Variants in CNTN4 observed in about 807,000 individuals in gnomAD.
CNTN4 encodes contactin-4.
A neutral mutation model predicts 122.5 loss-of-function variants in CNTN4; 77 were observed. That is an observed-to-expected ratio of 0.63 (90% confidence interval 0.52 to 0.76). CNTN4 has a LOEUF of 0.76. Ranked by LOEUF, CNTN4 falls within the 30% of genes least tolerant of loss-of-function variation. The pLI, the probability that CNTN4 is intolerant of heterozygous loss-of-function variation, is 0.00. For missense variants in CNTN4, 1,256 were observed against 1,259.1 expected (o/e 1.00, Z 0.04); for synonymous variants, 512 against 447.0 (o/e 1.15, Z -1.83).
chr3:2,255,103 C>T (rs573912027), intron 2 of CNTN4, among the ~76,000 whole-genome samples: 37 of 152,188 alleles, frequency 2.4e-4, no homozygotes, highest in South Asian at 4.1e-4. Flanking sequence ...TTTCTGCTTA[C>T]GGCTAGCCAG....
chr3:2,645,530 A>G (rs1359072343), intron 4 of CNTN4, among the ~76,000 whole-genome samples: 1 of 152,214 alleles, frequency 6.6e-6, no homozygotes, highest in Non-Finnish European at 1.5e-5. Flanking sequence ...TATCCAATTA[A>G]TTCTTCCTGT....
At chr3:2,818,590 T>C (rs753930487) in intron 6 of CNTN4, among the ~76,000 whole-genome samples, 11 of 152,200 alleles carry the variant, frequency 7.2e-5, no homozygotes, top group African/African-American at 9.6e-5. Flanking sequence ...ACACTCCTTA[T>C]TGAGAGGATT....
At chr3:2,551,973 C>T (rs1007101744) in intron 3 of CNTN4, among the ~76,000 whole-genome samples, 2 of 152,060 alleles carry the variant, frequency 1.3e-5, no homozygotes, top group African/African-American at 4.8e-5. Context: ...GCTACCTGAC[C>T]GTTACTTAAA....
chr3:2,291,628 AGTCC>A (rs769751296), intron 2 of CNTN4, among the ~76,000 whole-genome samples: 9,671 of 152,164 alleles, frequency 0.064, 336 homozygotes, highest in Non-Finnish European at 0.074. Flanking sequence ...AATTCACTGA[AGTCC>A]TTATGATAAA....
intron 14 of CNTN4, 74 bp from the exon 15 acceptor site, chr3:3,026,028 G>C (rs1237626765): frequency 1.5e-6 from 2 of 1,372,772 alleles, no homozygotes; most frequent in African/African-American, 2.9e-5. Flanking sequence ...CCTGCTCTTG[G>C]AGTCTACATT....
chr3:2,613,043 CA>C (rs1452706162), intron 4 of CNTN4, among the ~76,000 whole-genome samples: 1 of 152,010 alleles, frequency 6.6e-6, no homozygotes, highest in Non-Finnish European at 1.5e-5. Context: ...TATATTGTGC[CA>C]GGGGCTTTGT....
At chr3:2,552,621 T>C (rs1243528037) in intron 3 of CNTN4, among the ~76,000 whole-genome samples, 1 of 152,210 alleles carries the variant, frequency 6.6e-6, no homozygotes, top group Non-Finnish European at 1.5e-5. Context: ...TTCAGAGAAG[T>C]GGTAACTTTG....
chr3:2,118,636 C>T (rs2033530495), intron 2 of CNTN4, among the ~76,000 whole-genome samples: 1 of 152,028 alleles, frequency 6.6e-6, no homozygotes, highest in South Asian at 2.1e-4. Context: ...TATATTTTTC[C>T]TACCGATAGG....
At chr3:2,846,772 C>T (rs1382723645) in intron 7 of CNTN4, among the ~76,000 whole-genome samples, 2 of 152,048 alleles carry the variant, frequency 1.3e-5, no homozygotes, top group East Asian at 1.9e-4. Flanking sequence ...CGAGGCAGGC[C>T]GATCACCTGA....
intron 14 of CNTN4, among the ~76,000 whole-genome samples, chr3:3,017,286 A>G (rs1038009651): frequency 6.6e-6 from 1 of 152,254 alleles, no homozygotes; most frequent in African/African-American, 2.4e-5. Context: ...ATTCACAGAC[A>G]TAATTCCTCA....
intron 7 of CNTN4, among the ~76,000 whole-genome samples, chr3:2,850,555 A>T (rs1457699841): frequency 1.3e-5 from 2 of 152,206 alleles, no homozygotes; most frequent in Non-Finnish European, 2.9e-5. Flanking sequence ...CACCCAGATC[A>T]TGCGAAACCA....
chr3:2,633,218 G>T (rs1267678600), intron 4 of CNTN4, among the ~76,000 whole-genome samples: 1 of 152,042 alleles, frequency 6.6e-6, no homozygotes, highest in Non-Finnish European at 1.5e-5. Context: ...ACAACAGCTG[G>T]GAGCACTGTT....
chr3:2,710,901 G>A (rs142990178), intron 4 of CNTN4, among the ~76,000 whole-genome samples: 14 of 152,190 alleles, frequency 9.2e-5, no homozygotes, highest in Non-Finnish European at 1.6e-4. Context: ...CTTTTTTAAC[G>A]TACAGCATGA....
At chr3:2,170,104 A>T (rs13098685) in intron 2 of CNTN4, among the ~76,000 whole-genome samples, 2 of 150,096 alleles carry the variant, frequency 1.3e-5, no homozygotes, top group Admixed American at 1.3e-4. Flanking sequence ...GGAGGATCAC[A>T]AGGTCAGGAG....
chr3:2,786,970 T>C (rs931506913), intron 6 of CNTN4, among the ~76,000 whole-genome samples: 2 of 152,224 alleles, frequency 1.3e-5, no homozygotes, highest in African/African-American at 4.8e-5. Context: ...AACTATTGTT[T>C]CTTGGCACTC....
At chr3:2,775,844 C>T (rs758974240) in intron 6 of CNTN4, among the ~76,000 whole-genome samples, 5 of 152,136 alleles carry the variant, frequency 3.3e-5, no homozygotes, top group Non-Finnish European at 5.9e-5. Flanking sequence ...ACAATATGAG[C>T]TCCATGAGGG....
At position 2,900,785 on chromosome 3, in the gene CNTN4, C is replaced by G. The variant is rs555733804; in HGVS notation, c.1041C>G (p.Tyr347Ter). The change falls in exon 11 of 25, where the codon TAC (tyrosine) becomes TAG (stop). Residue 347 changes from tyrosine to a stop codon, truncating the protein, a stop_gained. Coordinates refer to ENST00000418658, the MANE Select transcript of CNTN4 (RefSeq NM_175607.3). LOFTEE classifies it high-confidence loss of function. ...CKANGRPKPT[Y>*]KWLKNGEPLL... The stretch of plus-strand genomic sequence containing the variant: ...CAAATGGAAGGCCTAAGCCTACATA[C>G]AAGTGGCTAAAAAATGGCGAACCTC... 1 of 1,613,954 alleles carries G rather than the reference C, an allele frequency of 6.2e-7. No homozygotes were observed. Among genetic ancestry groups the G allele is most frequent in the South Asian group, 1.1e-5 (1 of 91,084 alleles).
intron 3 of CNTN4, among the ~76,000 whole-genome samples, chr3:2,399,850 TTCA>T (rs1176553618): frequency 6.6e-6 from 1 of 152,068 alleles, no homozygotes; most frequent in Non-Finnish European, 1.5e-5. Flanking sequence ...ATCAAATGGT[TTCA>T]TCATTACCAG....
At chr3:2,274,613 T>C (rs1180527725) in intron 2 of CNTN4, among the ~76,000 whole-genome samples, 1 of 152,070 alleles carries the variant, frequency 6.6e-6, no homozygotes, top group African/African-American at 2.4e-5. Context: ...ATTAAAGCTG[T>C]CTCCAATGGC....
Sources: gnomAD v4.1 joint callset for allele counts (sites outside exome capture counted in the v4.1 genomes callset) on GRCh38, gnomAD v4.1.1 for gene constraint, MANE v1.5 for transcripts, NCBI Gene and HGNC (gene_info 2026-07-23, HGNC 2026-07-21) for gene names.